Variants in CCDC186 observed in about 807,000 individuals in gnomAD.
CCDC186 encodes coiled-coil domain containing 186, also known as coiled-coil domain-containing protein 186.
A neutral mutation model predicts 113.7 loss-of-function variants in CCDC186; 49 were observed. The ratio of observed to expected loss-of-function variants is 0.43; its 90% CI spans 0.34 to 0.55. The LOEUF (loss-of-function observed/expected upper bound fraction) is 0.55, where lower values mean the gene tolerates loss of function less well. Among genes scored for constraint, CCDC186 ranks in the 20% least tolerant of loss-of-function variants. The probability of loss-of-function intolerance (pLI) is 0.02; values close to 1 mark genes in which losing one functional copy is unlikely to be tolerated. For synonymous variants in CCDC186, 355 were observed against 345.8 expected, an observed-to-expected ratio of 1.03 and a Z score of -0.30; for missense variants, 890 against 1,011.1, an observed-to-expected ratio of 0.88 and a Z score of 1.62.
Position 114,163,193 on chromosome 10 carries a change from A to T in CCDC186, c.76T>A (p.Ser26Thr). 6.2e-7 allele frequency: 1 copy of T among 1,614,000 alleles called. No homozygotes were observed. Among genetic ancestry groups the T allele is most frequent in the South Asian group, 1.1e-5 (1 of 91,084 alleles). The change falls in exon 2 of 16, where the codon TCA becomes ACA. Residue 26 changes from serine to threonine, a missense_variant. Transcript: ENST00000369287. ...VGKTPELKED[S>T]CNLFSGNESS... ...TCATTGCCAGAAAACAAGTTGCATG[A>T]GTCTTCCTTTAATTCAGGTGTTTTC...
intron 13 of CCDC186, 104 bp from the exon 14 acceptor site, chr10:114,127,775 G>A: frequency 2.8e-6 from 3 of 1,072,630 alleles, no homozygotes; most frequent in Non-Finnish European, 4.0e-6. Context: ...CACTCTAACA[G>A]AGTTGGACAC....
At chr10:114,126,203 A>G (rs2030895641) in intron 14 of CCDC186, 98 bp from the exon 15 acceptor site, 2 of 864,448 alleles carry the variant, frequency 2.3e-6, no homozygotes, top group Non-Finnish European at 3.6e-6. Context: ...CATAAAATAA[A>G]TATTAGGTTA....
At chr10:114,129,718 CG>C (rs1474985339) in intron 13 of CCDC186, among the ~76,000 whole-genome samples, 172 bp downstream of exon 13, 13 of 151,852 alleles carry the variant, frequency 8.6e-5, no homozygotes, top group Admixed American at 8.5e-4. Context: ...TTAGTAGAGA[CG>C]GGGTTTCTCC....
rs2031571831 is a variant in CCDC186 at position 114,144,438 on chromosome 10, CA to C, written c.1221+58del. Reference sequence around the variant, plus strand: ...CTCCGTCTCAAAAAAAAAACAAAAACAAAAACAAAAACAAAAAAACTCATTC... The same window carrying C: ...CTCCGTCTCAAAAAAAAAACAAAAACAAAACAAAAACAAAAAAACTCATTC... On this transcript the variant is annotated intron_variant, in intron 6 of 15. Coordinates refer to ENST00000369287, the MANE Select transcript of CCDC186 (RefSeq NM_018017.4). 5.2e-6 allele frequency: 8 copies of C among 1,533,944 alleles called. No individual in the cohort carries two copies. In the South Asian group the frequency reaches 8.8e-5, roughly 17 times the overall value.
chr10:114,134,109 G>A (rs2031179267), intron 10 of CCDC186, among the ~76,000 whole-genome samples: 1 of 152,176 alleles, frequency 6.6e-6, no homozygotes, highest in African/African-American at 2.4e-5. Flanking sequence ...GATAACAGCA[G>A]AAAATATGGC....
chr10:114,131,903 T>TA (rs767931797), intron 11 of CCDC186, 26 bp downstream of exon 11: 26 of 1,563,798 alleles, frequency 1.7e-5, no homozygotes, highest in East Asian at 2.3e-5. Context: ...TACGTTGTTT[T>TA]AAAAAAAATG....
Position 114,129,863 on chromosome 10 carries a change from A to G in CCDC186, c.2182+28T>C, listed in dbSNP as rs80049838. The G allele has an allele frequency of 1.5e-3, 2,454 of 1,602,596 alleles. 33 individuals carry two copies. The African/African-American group carries it at 0.028, about 18-fold the overall frequency. ...TATTTATTTTTATATCAATCATGAA[A>G]TAACAACTAGAGCCACTAGTTTTTT... On this transcript the variant is annotated intron_variant, in intron 13 of 15. Transcript: ENST00000369287.
At chr10:114,133,088 T>C (rs1255114834) in intron 10 of CCDC186, among the ~76,000 whole-genome samples, 1 of 152,204 alleles carries the variant, frequency 6.6e-6, no homozygotes, top group Non-Finnish European at 1.5e-5. Flanking sequence ...AAAAGGATTA[T>C]ACTAACCATA....
intron 5 of CCDC186, 122 bp downstream of exon 5, chr10:114,145,427 T>TAAA: frequency 1.1e-6 from 1 of 923,312 alleles, no homozygotes; most frequent in Non-Finnish European, 1.5e-6. Flanking sequence ...GGTAAACTAA[T>TAAA]AAAAACAACT....
At chr10:114,149,732 CGAAGGAAG>C (rs2031772761) in intron 4 of CCDC186, among the ~76,000 whole-genome samples, 1 of 98,704 alleles carries the variant, frequency 1.0e-5, no homozygotes, top group Non-Finnish European at 2.0e-5. Flanking sequence ...GAGGAAGGGA[CGAAGGAAG>C]GAAGGCAGGA....
intron 13 of CCDC186, among the ~76,000 whole-genome samples, chr10:114,127,912 A>G (rs766081773): frequency 2.6e-5 from 4 of 152,192 alleles, no homozygotes; most frequent in African/African-American, 4.8e-5. Context: ...CTCAAAAAGA[A>G]TAACAAGTCT....
At chr10:114,142,172 C>T (rs1284500884) in intron 6 of CCDC186, among the ~76,000 whole-genome samples, 2 of 152,174 alleles carry the variant, frequency 1.3e-5, no homozygotes, top group Admixed American at 6.5e-5. Flanking sequence ...ACACGACAGC[C>T]TCGGGAGAAG....
chr10:114,137,137 T>G, intron 7 of CCDC186, 49 bp downstream of exon 7: 1 of 1,395,808 alleles, frequency 7.2e-7, no homozygotes, highest in Non-Finnish European at 1.0e-6. Flanking sequence ...AAGAGAGAAC[T>G]GATATTTGCT....
At chr10:114,171,993 A>G (rs1384542339) in intron 1 of CCDC186, among the ~76,000 whole-genome samples, 1 of 152,240 alleles carries the variant, frequency 6.6e-6, no homozygotes, top group East Asian at 1.9e-4. Flanking sequence ...TAAATTATCT[A>G]TGATCTCACT....
At chr10:114,151,273 C>T in intron 3 of CCDC186, 53 bp from the exon 4 acceptor site, 1 of 1,210,458 alleles carries the variant, frequency 8.3e-7, no homozygotes, top group Non-Finnish European at 1.2e-6. Flanking sequence ...AAATACACCA[C>T]CAATACTGCA....
At chr10:114,141,465 A>G (rs1195920032) in intron 6 of CCDC186, among the ~76,000 whole-genome samples, 1 of 152,184 alleles carries the variant, frequency 6.6e-6, no homozygotes, top group Non-Finnish European at 1.5e-5. Context: ...CCTCACAACT[A>G]AAGCAATAAC....
chr10:114,122,924 A>T lies in CCDC186; in HGVS notation c.*2219T>A, dbSNP rs1589604238. On this transcript the variant is annotated 3_prime_UTR_variant, in exon 16 of 16. Transcript: ENST00000369287. ...TAAAATTTTCTCATTAAACTTCTCC[A>T]AGTAGATGGTAGCACAAATATTAAT... The T allele has an allele frequency of 6.6e-6, 1 of 152,170 alleles. No individual in the cohort carries two copies. The highest frequency in any genetic ancestry group is 1.9e-4 in the East Asian group (1 of 5,200). The allele number at this position is 152,170 out of a possible 1,614,324, so 9.4% of individuals were successfully genotyped here. A position where few individuals can be genotyped will look rare whatever the true frequency, so the allele number is the denominator to read the frequency against.
chr10:114,174,165 T>G lies in CCDC186; in HGVS notation c.-212A>C, dbSNP rs1178383827. The G allele has an allele frequency of 2.1e-6, 1 of 466,864 alleles. No homozygotes were observed. Among genetic ancestry groups the G allele is most frequent in the Admixed American group, 2.4e-5 (1 of 42,120 alleles). 28.9% of individuals were successfully genotyped at this position (466,864 alleles called of 1,614,324 possible). On this transcript the variant is annotated 5_prime_UTR_variant, in exon 1 of 16. Coordinates refer to ENST00000369287, the MANE Select transcript of CCDC186 (RefSeq NM_018017.4). ...AGCCGACGCCTCACTCAGCGGCCGT[T>G]TCCCCAAACCCCTGCGGAGCTGACA...
chr10:114,127,862 T>C (rs1317617760), intron 13 of CCDC186, among the ~76,000 whole-genome samples, 191 bp from the exon 14 acceptor site: 1 of 152,200 alleles, frequency 6.6e-6, no homozygotes, highest in African/African-American at 2.4e-5. Flanking sequence ...ACAGGGTCTA[T>C]ACTGTATCTC....
Sources: allele counts gnomAD v4.1 joint callset (sites outside exome capture counted in the v4.1 genomes callset), GRCh38; gene constraint gnomAD v4.1.1; transcripts MANE v1.5; gene names NCBI Gene and HGNC (gene_info 2026-07-23, HGNC 2026-07-21).